The following SFT2D2 variants were observed in gnomAD, a reference collection of about 807,000 sequenced individuals.
SFT2D2 encodes the protein vesicle transport protein SFT2B.
Under a neutral mutation model 27.4 loss-of-function variants are expected in SFT2D2, and 21 were observed. The ratio of observed to expected loss-of-function variants is 0.77; its 90% CI spans 0.54 to 1.10. SFT2D2 has a LOEUF of 1.10. SFT2D2 is among the 50% of genes least tolerant of loss of function. SFT2D2 has a pLI of 0.00. For synonymous variants in SFT2D2, 72 were observed against 71.7 expected (o/e 1.00, Z -0.02); for missense variants, 187 against 194.2 (o/e 0.96, Z 0.22).
At position 168,233,724 on chromosome 1, in the gene SFT2D2, C is replaced by T. The variant is rs7539586; in HGVS notation, c.237-1377C>T. On this transcript the variant is annotated intron_variant, in intron 3 of 7. Transcript: ENST00000271375. ...TAAATATATGGGTGTGTTGCTTAGT[C>T]TAGAAGAGCTCTTTAGCAAATCCCT... 6.0e-3 allele frequency among the ~76,000 whole-genome samples: 915 copies of T among 152,212 alleles called. 8 individuals are homozygous for T. The highest frequency in any genetic ancestry group is 0.021 in the African/African-American group (870 of 41,514).
At chr1:168,230,543 G>A (rs577516566) in intron 1 of SFT2D2, among the ~76,000 whole-genome samples, 7 of 152,140 alleles carry the variant, frequency 4.6e-5, no homozygotes, top group Admixed American at 1.3e-4. Flanking sequence ...GTATGATCTC[G>A]GCTCACTGCA....
chr1:168,229,916 TA>T (rs1700496308), intron 1 of SFT2D2, among the ~76,000 whole-genome samples: 1 of 152,208 alleles, frequency 6.6e-6, no homozygotes, highest in Non-Finnish European at 1.5e-5. Flanking sequence ...AGGAGAGGTT[TA>T]CCTCAGCGTA....
At position 168,231,615 on chromosome 1, in the gene SFT2D2, C is replaced by G. The variant is rs750794434; in HGVS notation, c.150+15C>G. ...GCTCACTGCTGGTAAGATTTCCCTT[C>G]CTCCTCTGTCTTTTCCTTCTACCTG... On this transcript the variant is annotated intron_variant, in intron 2 of 7. Coordinates refer to ENST00000271375, the MANE Select transcript of SFT2D2 (RefSeq NM_199344.3). 1 of 1,610,402 alleles carries G rather than the reference C, an allele frequency of 6.2e-7. No homozygotes were observed. Among genetic ancestry groups the G allele is most frequent in the South Asian group, 1.1e-5 (1 of 91,000 alleles).
At chr1:168,240,772 C>T (rs1180629392) in intron 7 of SFT2D2, among the ~76,000 whole-genome samples, 2 of 152,132 alleles carry the variant, frequency 1.3e-5, no homozygotes, top group South Asian at 2.1e-4. Context: ...ATTAACCGAG[C>T]GTGGTGGCGT....
rs1229836478 is a variant in SFT2D2 at position 168,250,665 on chromosome 1, G to A, written c.*8125G>A. On this transcript the variant is annotated 3_prime_UTR_variant, in exon 8 of 8. Coordinates refer to ENST00000271375, the MANE Select transcript of SFT2D2 (RefSeq NM_199344.3). ...CTCCCCCTTCTCCCAGTCTCTCTGAGGCTGCTTGTTGGGTATTGGGCGTGC... is the reference window on the plus strand; with the variant it reads ...CTCCCCCTTCTCCCAGTCTCTCTGAAGCTGCTTGTTGGGTATTGGGCGTGC... 6.6e-6 allele frequency: 1 copy of A among 152,624 alleles called. No homozygotes were observed. The highest frequency in any genetic ancestry group is 1.5e-5 in the Non-Finnish European group (1 of 68,430). 9.5% of individuals were successfully genotyped at this position (152,624 alleles called of 1,614,324 possible).
intron 6 of SFT2D2, among the ~76,000 whole-genome samples, chr1:168,237,186 A>G (rs1270641091): frequency 6.6e-6 from 1 of 152,246 alleles, no homozygotes; most frequent in Non-Finnish European, 1.5e-5. Flanking sequence ...TGAATGTTAC[A>G]TTTGTGATAG....
intron 3 of SFT2D2, among the ~76,000 whole-genome samples, chr1:168,232,361 C>T (rs1647349747): frequency 6.6e-6 from 1 of 152,202 alleles, no homozygotes; most frequent in Non-Finnish European, 1.5e-5. Flanking sequence ...TGAGCGCTTC[C>T]TGGAGGTGGG....
At chr1:168,231,962 G>A (rs1224608838) in intron 3 of SFT2D2, 43 bp downstream of exon 3, 2 of 1,554,572 alleles carry the variant, frequency 1.3e-6, no homozygotes, top group Admixed American at 3.4e-5. Context: ...ATCATTAGAT[G>A]GGAAAATGGA....
Position 168,228,394 on chromosome 1 carries a change from A to C in SFT2D2, c.63+2252A>C, listed in dbSNP as rs141762324. Among the ~76,000 whole-genome samples the C allele has an allele frequency of 3.1e-3, 468 of 152,292 alleles. 4 individuals carry two copies. Among genetic ancestry groups the C allele is most frequent in the Non-Finnish European group, 2.3e-3 (156 of 68,020 alleles). ...GAAGAGAGTGCTTTTTAAAACCTTT[A>C]TTCCTTTAATGCAAACCATAAAGGT... On this transcript the variant is annotated intron_variant, in intron 1 of 7. Coordinates refer to ENST00000271375, the MANE Select transcript of SFT2D2 (RefSeq NM_199344.3).
intron 7 of SFT2D2, among the ~76,000 whole-genome samples, chr1:168,239,550 C>A (rs767506379): frequency 2.0e-5 from 3 of 150,882 alleles, no homozygotes; most frequent in Non-Finnish European, 4.4e-5. Context: ...TTGCAGTATC[C>A]CACTGCTGGG....
At position 168,244,360 on chromosome 1, in the gene SFT2D2, G is replaced by A. The variant is rs1032038726; in HGVS notation, c.*1820G>A. ...GCCCGTGCTAATTTTTGTGTTTTTA[G>A]TGGAGACAGGGTTTCACCATGTTGG... On this transcript the variant is annotated 3_prime_UTR_variant, in exon 8 of 8. Transcript: ENST00000271375. 5.9e-5 allele frequency: 9 copies of A among 152,088 alleles called. No individual in the cohort carries two copies. The highest frequency in any genetic ancestry group is 2.2e-4 in the African/African-American group (9 of 41,376). The allele number at this position is 152,088 out of a possible 1,614,324, so 9.4% of individuals were successfully genotyped here.
At chr1:168,240,198 T>G (rs942941502) in intron 7 of SFT2D2, among the ~76,000 whole-genome samples, 1 of 145,512 alleles carries the variant, frequency 6.9e-6, no homozygotes, top group African/African-American at 2.5e-5. Flanking sequence ...AAAAAAGTAC[T>G]GAGGAAATGA....
intron 6 of SFT2D2, 27 bp from the exon 7 acceptor site, chr1:168,239,104 G>A: frequency 6.3e-7 from 1 of 1,580,980 alleles, no homozygotes; most frequent in Non-Finnish European, 8.7e-7. Context: ...CATCTCATTT[G>A]ACCCTTTGTT....
In SFT2D2 at chr1:168,242,671, T is replaced by G. The variant is rs1350783144; in HGVS notation, c.*131T>G. 1.8e-6 allele frequency: 2 copies of G among 1,113,290 alleles called. No individual in the cohort carries two copies. The highest frequency in any genetic ancestry group is 3.5e-5 in the Admixed American group (2 of 57,088). 69.0% of individuals were successfully genotyped at this position (1,113,290 alleles called of 1,614,324 possible). ...TCTTGCAGCAATGTGTTGCTTGTGA[T>G]TCGAACATTTGAGGGTTACTTTTGG... On this transcript the variant is annotated 3_prime_UTR_variant, in exon 8 of 8. Coordinates refer to ENST00000271375, the MANE Select transcript of SFT2D2 (RefSeq NM_199344.3).
chr1:168,226,006 C>A lies in SFT2D2; in HGVS notation c.-74C>A. ...GGGCGGCTGGGCGGCTGCCTAGCAC[C>A]CGGAAGAGCCGTCAACTTAGCGAGC... On this transcript the variant is annotated 5_prime_UTR_variant, in exon 1 of 8. Coordinates refer to ENST00000271375, the MANE Select transcript of SFT2D2 (RefSeq NM_199344.3). 2 of 1,378,980 alleles carry A rather than the reference C, an allele frequency of 1.5e-6. No individual in the cohort carries two copies. The highest frequency in any genetic ancestry group is 1.9e-6 in the Non-Finnish European group (2 of 1,044,156). The allele number at this position is 1,378,980 out of a possible 1,614,324, so 85.4% of individuals were successfully genotyped here. A position where few individuals can be genotyped will look rare whatever the true frequency, so the allele number is the denominator to read the frequency against.
chr1:168,229,985 C>G (rs1419562950), intron 1 of SFT2D2, among the ~76,000 whole-genome samples: 1 of 152,182 alleles, frequency 6.6e-6, no homozygotes, highest in Non-Finnish European at 1.5e-5. Context: ...CTGTTATCAT[C>G]CCTAATTTGT....
Position 168,246,475 on chromosome 1 carries a change from G to T in SFT2D2, c.*3935G>T. On this transcript the variant is annotated 3_prime_UTR_variant, in exon 8 of 8. Coordinates refer to ENST00000271375, the MANE Select transcript of SFT2D2 (RefSeq NM_199344.3). ...TCTTTGTATGTGTTCAAAAACCAAA[G>T]CGTTTTCTTTCAGAGCCTCTCTTGT... The T allele has an allele frequency of 7.3e-7, 1 of 1,371,042 alleles. No individual in the cohort carries two copies. Among genetic ancestry groups the T allele is most frequent in the South Asian group, 1.3e-5 (1 of 78,878 alleles). 84.9% of individuals were successfully genotyped at this position (1,371,042 alleles called of 1,614,324 possible).
At chr1:168,239,520 G>A (rs1051325379) in intron 7 of SFT2D2, among the ~76,000 whole-genome samples, 4 of 149,910 alleles carry the variant, frequency 2.7e-5, no homozygotes, top group African/African-American at 4.9e-5. Flanking sequence ...AAGATATGGA[G>A]GGATCTCAAT....
At chr1:168,230,664 A>G (rs906998552) in intron 1 of SFT2D2, among the ~76,000 whole-genome samples, 3 of 152,070 alleles carry the variant, frequency 2.0e-5, no homozygotes, top group African/African-American at 7.2e-5. Flanking sequence ...TAGTAGAGAC[A>G]AGGTTTCGCC....
Sources: allele counts gnomAD v4.1 joint callset (sites outside exome capture counted in the v4.1 genomes callset), GRCh38; gene constraint gnomAD v4.1.1; transcripts MANE v1.5; gene names NCBI Gene and HGNC (gene_info 2026-07-23, HGNC 2026-07-21).